Variants in CNTN4 observed in about 807,000 individuals in gnomAD.
CNTN4 encodes the protein contactin-4.
CNTN4 carries 77 observed loss-of-function variants against 122.5 expected under a neutral mutation model. The ratio of observed to expected loss-of-function variants is 0.63; its 90% CI spans 0.52 to 0.76. The LOEUF (loss-of-function observed/expected upper bound fraction) is 0.76, where lower values mean the gene tolerates loss of function less well. Among genes scored for constraint, CNTN4 ranks in the 30% least tolerant of loss-of-function variants. The pLI is 0.00. For synonymous variants in CNTN4, 512 were observed against 447.0 expected (o/e 1.15, Z -1.83); for missense variants, 1,256 against 1,259.1 (o/e 1.00, Z 0.04).
intron 2 of CNTN4, among the ~76,000 whole-genome samples, chr3:2,222,834 C>T (rs962829157): frequency 6.6e-6 from 1 of 152,132 alleles, no homozygotes; most frequent in Non-Finnish European, 1.5e-5. Context: ...TCATCTTTCT[C>T]ATCTTTCTCT....
chr3:2,258,743 GCATCT>G (rs2040701235), intron 2 of CNTN4, among the ~76,000 whole-genome samples: 1 of 151,740 alleles, frequency 6.6e-6, no homozygotes, highest in Non-Finnish European at 1.5e-5. Context: ...CTTTGAACTG[GCATCT>G]CATGTCTTAG....
chr3:2,989,440 T>G (rs537511956), intron 14 of CNTN4, among the ~76,000 whole-genome samples: 2 of 151,940 alleles, frequency 1.3e-5, no homozygotes, highest in African/African-American at 4.8e-5. Context: ...TGTAGTTCCC[T>G]TGGTGAAGAC....
At chr3:2,170,247 G>A (rs935836317) in intron 2 of CNTN4, among the ~76,000 whole-genome samples, 51 of 152,036 alleles carry the variant, frequency 3.4e-4, no homozygotes, top group Non-Finnish European at 6.6e-4. Context: ...GGGAACCCGG[G>A]AGGCGGAGCT....
At chr3:3,038,544 T>G (rs1431551915) in intron 18 of CNTN4, among the ~76,000 whole-genome samples, 2 of 152,200 alleles carry the variant, frequency 1.3e-5, no homozygotes, top group Non-Finnish European at 2.9e-5. Context: ...TTGTAAGCTC[T>G]GCCTGGGCAG....
chr3:2,682,589 G>GT (rs1416457122), intron 4 of CNTN4, among the ~76,000 whole-genome samples: 7 of 152,104 alleles, frequency 4.6e-5, no homozygotes, highest in Admixed American at 4.6e-4. Context: ...GCAATTTTAG[G>GT]TAACAATACA....
intron 14 of CNTN4, among the ~76,000 whole-genome samples, chr3:3,022,828 A>G (rs1698415689): frequency 1.3e-5 from 2 of 152,178 alleles, no homozygotes; most frequent in African/African-American, 4.8e-5. Flanking sequence ...CACAGTATGA[A>G]CCAACCACAA....
chr3:3,025,385 G>T (rs984230939), intron 14 of CNTN4, among the ~76,000 whole-genome samples: 1 of 152,038 alleles, frequency 6.6e-6, no homozygotes, highest in Non-Finnish European at 1.5e-5. Context: ...ATGCCAACTA[G>T]TTTCAAAATG....
intron 4 of CNTN4, among the ~76,000 whole-genome samples, chr3:2,679,003 C>T (rs1165107572): frequency 6.6e-6 from 1 of 152,048 alleles, no homozygotes; most frequent in Non-Finnish European, 1.5e-5. Context: ...TTGAAATGCC[C>T]CCTATATATC....
intron 10 of CNTN4, among the ~76,000 whole-genome samples, chr3:2,894,763 G>C (rs954177605): frequency 2.6e-5 from 4 of 152,176 alleles, no homozygotes; most frequent in African/African-American, 9.7e-5. Flanking sequence ...GTCATAGCTT[G>C]ATTGATCTGG....
intron 13 of CNTN4, among the ~76,000 whole-genome samples, chr3:2,928,271 A>G (rs1313709435): frequency 6.6e-6 from 1 of 152,254 alleles, no homozygotes; most frequent in Non-Finnish European, 1.5e-5. Context: ...AACTTCTGAG[A>G]ACATGAAGTG....
chr3:2,375,539 C>T (rs556449793), intron 3 of CNTN4, among the ~76,000 whole-genome samples: 1 of 152,188 alleles, frequency 6.6e-6, no homozygotes. Flanking sequence ...AGATCCTACT[C>T]TGCTTTCTCT....
intron 3 of CNTN4, among the ~76,000 whole-genome samples, chr3:2,382,442 A>C (rs915033935): frequency 4.6e-5 from 7 of 152,216 alleles, no homozygotes; most frequent in Admixed American, 2.0e-4. Context: ...GGCATGAGCC[A>C]CTGCGTCCGG....
intron 2 of CNTN4, among the ~76,000 whole-genome samples, chr3:2,144,566 A>T (rs1189232044): frequency 6.6e-6 from 1 of 152,068 alleles, no homozygotes; most frequent in Non-Finnish European, 1.5e-5. Flanking sequence ...GTTACATGTG[A>T]CCCTTGCCTA....
chr3:2,162,803 A>G (rs2036023117), intron 2 of CNTN4, among the ~76,000 whole-genome samples: 1 of 152,200 alleles, frequency 6.6e-6, no homozygotes, highest in Non-Finnish European at 1.5e-5. Flanking sequence ...AAAAGAAACA[A>G]TAAGAAAACA....
intron 4 of CNTN4, among the ~76,000 whole-genome samples, chr3:2,631,889 C>CAAAAAAA (rs2082452334): frequency 8.4e-6 from 1 of 118,752 alleles, no homozygotes; most frequent in African/African-American, 4.2e-5. Context: ...CAAAAAAAAA[C>CAAAAAAA]AACAACTAAA....
intron 13 of CNTN4, among the ~76,000 whole-genome samples, chr3:2,943,630 A>AAATATATTTATATATATATATATATATTT (rs2094640256): frequency 7.8e-6 from 1 of 128,264 alleles, no homozygotes; most frequent in Non-Finnish European, 1.6e-5. Context: ...ATATATATAT[A>AAATATATTTATATATATATATATATATTT]TTTTTTTTTT....
intron 3 of CNTN4, among the ~76,000 whole-genome samples, chr3:2,539,819 A>G (rs1356496873): frequency 1.3e-5 from 2 of 152,010 alleles, no homozygotes; most frequent in Non-Finnish European, 2.9e-5. Context: ...TTTTTCCCTT[A>G]TGATAACTGA....
chr3:2,887,209 C>A lies in CNTN4; in HGVS notation c.925C>A (p.Gln309Lys). 6.2e-7 allele frequency: 1 copy of A among 1,613,196 alleles called. No homozygotes were observed. The highest frequency in any genetic ancestry group is 8.5e-7 in the Non-Finnish European group (1 of 1,179,830). Reference protein sequence around the residue: ...NSRGKNVARGQLTFYAQPNWI... With the variant: ...NSRGKNVARGKLTFYAQPNWI... ...CAGAGGGAAAAATGTAGCAAGGGGA[C>A]AGCTAACTTTCTATGGTAAGTGTAT... The change falls in exon 10 of 25, where the codon CAG becomes AAG. Residue 309 changes from glutamine to lysine, a missense_variant. Transcript: ENST00000418658.
intron 3 of CNTN4, among the ~76,000 whole-genome samples, chr3:2,564,756 G>A (rs2079088967): frequency 6.6e-6 from 1 of 151,848 alleles, no homozygotes; most frequent in Non-Finnish European, 1.5e-5. Flanking sequence ...AAATATAAAG[G>A]TCCAACATCA....
Sources: allele counts gnomAD v4.1 joint callset (sites outside exome capture counted in the v4.1 genomes callset), GRCh38; gene constraint gnomAD v4.1.1; transcripts MANE v1.5; gene names NCBI Gene and HGNC (gene_info 2026-07-23, HGNC 2026-07-21).